MKNK1: variants seen among roughly 807,000 people sequenced by gnomAD.
MKNK1 encodes the protein MAPK interacting serine/threonine kinase 1, also known as MAP kinase-interacting serine/threonine-protein kinase 1.
Under a neutral mutation model 49.3 loss-of-function variants are expected in MKNK1, and 30 were observed. That is an observed-to-expected ratio of 0.61 (90% CI 0.46 to 0.83). The LOEUF is 0.83. MKNK1 is among the 40% of genes least tolerant of loss of function. The pLI, the probability that MKNK1 is intolerant of heterozygous loss-of-function variation, is 0.00. For synonymous variants in MKNK1, 176 were observed against 201.7 expected, an observed-to-expected ratio of 0.87 and a Z score of 1.08; for missense variants, 423 against 524.7, an observed-to-expected ratio of 0.81 and a Z score of 1.89.
At chr1:46,562,377 CAG>C (rs1293651698) in intron 10 of MKNK1, among the ~76,000 whole-genome samples, 1 of 106,560 alleles carries the variant, frequency 9.4e-6, no homozygotes, top group Admixed American at 1.5e-4. Context: ...GCCTGGGCGA[CAG>C]AGAGAGACTC....
intron 6 of MKNK1, 140 bp downstream of exon 6, chr1:46,574,807 C>T: frequency 1.7e-6 from 1 of 596,690 alleles, no homozygotes; most frequent in Non-Finnish European, 3.0e-6. Context: ...GGCCTCCCTT[C>T]TCCCAAATCA....
At chr1:46,559,646 G>A (rs192792085) in intron 12 of MKNK1, 178 of 156,980 alleles carry the variant, frequency 1.1e-3, no homozygotes, top group Non-Finnish European at 2.3e-3. Flanking sequence ...ATGTGGTAAG[G>A]ACTTACTATT....
intron 4 of MKNK1, 176 bp downstream of exon 4, chr1:46,580,354 C>G (rs1263447281): frequency 1.7e-6 from 1 of 596,078 alleles, no homozygotes; most frequent in Non-Finnish European, 3.0e-6. Flanking sequence ...AACTGAAGGA[C>G]AGAGAAGTTA....
At chr1:46,559,501 C>T (rs540629543) in intron 12 of MKNK1, among the ~76,000 whole-genome samples, 3 of 152,326 alleles carry the variant, frequency 2.0e-5, no homozygotes, top group African/African-American at 7.2e-5. Flanking sequence ...AGTCAAACAG[C>T]CCAGGGCTGC....
At position 46,594,211 on chromosome 1, in the gene MKNK1, C is replaced by T. The variant is rs770540608; in HGVS notation, c.-101G>A. The T allele has an allele frequency of 5.2e-5, 69 of 1,318,876 alleles. No individual in the cohort carries two copies. The highest frequency in any genetic ancestry group is 1.1e-4 in the East Asian group (5 of 43,562). The allele number at this position is 1,318,876 out of a possible 1,614,324, so 81.7% of individuals were successfully genotyped here. A position where few individuals can be genotyped will look rare whatever the true frequency, so the allele number is the denominator to read the frequency against. ...AGGAAGTTGGTGTCTTCCAGCTACA[C>T]GAAGTGTCTCAATGGCCTTTGTGCG... On this transcript the variant is annotated 5_prime_UTR_variant, in exon 2 of 13. It adds an upstream start codon to the 5' untranslated region. Transcript: ENST00000371945.
intron 2 of MKNK1, 111 bp from the exon 3 acceptor site, chr1:46,583,440 G>A: frequency 1.4e-6 from 1 of 718,678 alleles, no homozygotes; most frequent in Admixed American, 2.9e-5. Flanking sequence ...GGTTTACACT[G>A]ATGGTTTTTA....
intron 8 of MKNK1, among the ~76,000 whole-genome samples, chr1:46,565,662 G>A (rs1668929438): frequency 6.6e-6 from 1 of 152,184 alleles, no homozygotes; most frequent in Non-Finnish European, 1.5e-5. Flanking sequence ...GGGATGGTTG[G>A]TCACCGTAGG....
chr1:46,562,898 T>G lies in MKNK1; in HGVS notation c.610-55A>C, dbSNP rs1295718217. The G allele has an allele frequency of 2.1e-6, 3 of 1,433,226 alleles. No homozygotes were observed. In the Admixed American group the frequency reaches 6.3e-5, roughly 30 times the overall value. 88.8% of individuals were successfully genotyped at this position (1,433,226 alleles called of 1,614,324 possible). Reference sequence around the variant, plus strand: ...GATGGCAGAGAACAGAGAGGCTTAGTTACAGCAGAGGGGATGGCAGAGAGC... The same window carrying G: ...GATGGCAGAGAACAGAGAGGCTTAGGTACAGCAGAGGGGATGGCAGAGAGC... On this transcript the variant is annotated intron_variant, in intron 9 of 12. Transcript: ENST00000371945.
At chr1:46,599,648 C>T (rs1274864712) in intron 1 of MKNK1, among the ~76,000 whole-genome samples, 2 of 152,180 alleles carry the variant, frequency 1.3e-5, no homozygotes, top group African/African-American at 4.8e-5. Context: ...AAACCGAGCG[C>T]CAGTCAGGGC....
intron 1 of MKNK1, among the ~76,000 whole-genome samples, chr1:46,597,825 G>A (rs2148772152): frequency 6.6e-6 from 1 of 152,276 alleles, no homozygotes; most frequent in East Asian, 1.9e-4. Flanking sequence ...CCCTTAAGCT[G>A]TTTTAGCTGG....
In MKNK1 at chr1:46,558,842, C is replaced by T. The variant is rs373873157; in HGVS notation, c.1014-42G>A. On this transcript the variant is annotated intron_variant, in intron 12 of 12. Coordinates refer to ENST00000371945, the MANE Select transcript of MKNK1 (RefSeq NM_001135553.4). ...AAGCACAGAAAAGAGGGTCAGGACT[C>T]TAGGGTCAGCCAGGCCAGCTCCGGG... 3.0e-5 allele frequency: 47 copies of T among 1,560,992 alleles called. 1 individual carries two copies. Among genetic ancestry groups the T allele is most frequent in the Middle Eastern group, 3.4e-4 (2 of 5,898 alleles).
In MKNK1 at chr1:46,561,603, A is replaced by T; in HGVS notation, c.844T>A (p.Phe282Ile). ...ATGTGTGCCCAGTCCTTGTCAGGAA[A>T]CTCATACTTGCCTTCCTGGATGCTT... is the stretch of plus-strand genomic sequence containing the variant. ...FESIQEGKYE[F>I]PDKDWAHISS... The change falls in exon 11 of 13, where the codon TTT becomes ATT. Residue 282 changes from phenylalanine (F) to isoleucine (I), a missense_variant. Coordinates refer to ENST00000371945, the MANE Select transcript of MKNK1 (RefSeq NM_001135553.4). 6.2e-7 allele frequency: 1 copy of T among 1,613,980 alleles called. No homozygotes were observed. The highest frequency in any genetic ancestry group is 8.5e-7 in the Non-Finnish European group (1 of 1,179,962).
chr1:46,566,520 G>A (rs868259330), intron 8 of MKNK1, among the ~76,000 whole-genome samples: 3 of 152,148 alleles, frequency 2.0e-5, no homozygotes, highest in Non-Finnish European at 1.5e-5. Flanking sequence ...TGGAATTGCT[G>A]GGTCATATGG....
chr1:46,559,810 T>C, intron 12 of MKNK1: 1 of 171,274 alleles, frequency 5.8e-6, no homozygotes, highest in Admixed American at 5.7e-5. Context: ...TGCCTGGCCA[T>C]GGTAAGGACT....
intron 6 of MKNK1, among the ~76,000 whole-genome samples, chr1:46,573,105 C>T (rs1382541975): frequency 6.6e-6 from 1 of 152,194 alleles, no homozygotes; most frequent in Admixed American, 6.5e-5. Flanking sequence ...TCTCGTTTTA[C>T]AGAGGGAGAT....
At chr1:46,595,330 T>TA (rs1371886076) in intron 1 of MKNK1, among the ~76,000 whole-genome samples, 2 of 152,124 alleles carry the variant, frequency 1.3e-5, no homozygotes. Context: ...CCAAAATTTC[T>TA]AAAAAGGCTT....
intron 1 of MKNK1, among the ~76,000 whole-genome samples, chr1:46,597,671 T>G (rs980593863): frequency 7.2e-5 from 11 of 152,258 alleles, no homozygotes; most frequent in African/African-American, 1.2e-4. Context: ...TTATTACGCA[T>G]CTTCCCCTAG....
chr1:46,572,585 C>T (rs536233337), intron 6 of MKNK1, among the ~76,000 whole-genome samples: 6 of 152,166 alleles, frequency 3.9e-5, no homozygotes, highest in Non-Finnish European at 7.4e-5. Context: ...AGGGATTCAT[C>T]GCTGACTCAT....
At chr1:46,594,459 A>G (rs1485438623) in intron 1 of MKNK1, among the ~76,000 whole-genome samples, 179 bp from the exon 2 acceptor site, 1 of 152,192 alleles carries the variant, frequency 6.6e-6, no homozygotes, top group Non-Finnish European at 1.5e-5. Context: ...AATTTTTTGT[A>G]GAGATAGAGT....
Sources: allele counts gnomAD v4.1 joint callset (sites outside exome capture counted in the v4.1 genomes callset), GRCh38; gene constraint gnomAD v4.1.1; transcripts MANE v1.5; gene names NCBI Gene and HGNC (gene_info 2026-07-23, HGNC 2026-07-21).